The following SPO11 variants were observed in gnomAD, a reference collection of about 807,000 sequenced individuals.
The protein encoded by SPO11 is meiotic recombination protein SPO11.
In SPO11, 49 loss-of-function variants were observed where a neutral mutation model predicts 51.6. The ratio of observed to expected loss-of-function variants is 0.95; its 90% CI spans 0.75 to 1.20. SPO11 has a LOEUF of 1.20. Among genes scored for constraint, SPO11 ranks in the 50% most tolerant of loss-of-function variants. The pLI, the probability that SPO11 is intolerant of heterozygous loss-of-function variation, is 0.00. For synonymous variants in SPO11, 176 were observed against 158.2 expected (o/e 1.11, Z -0.84); for missense variants, 431 against 473.4 (o/e 0.91, Z 0.83).
chr20:57,333,157 C>CT (rs1280429903), intron 2 of SPO11, 31 bp from the exon 3 acceptor site: 1 of 1,550,704 alleles, frequency 6.4e-7, no homozygotes, highest in East Asian at 2.3e-5. Flanking sequence ...GTCTTTTTCA[C>CT]TTTTTTCCTT....
In SPO11 at chr20:57,335,585, C is replaced by T. The variant is rs527759825; in HGVS notation, c.634+130C>T. On this transcript the variant is annotated intron_variant, in intron 7 of 12. Transcript: ENST00000371263. ...CCTGTAGCAGTCAAGATGAACACAC[C>T]ATGGTCCCTTCTTTAGTACTCTTTT... The T allele has an allele frequency of 1.5e-4, 130 of 869,744 alleles. No individual in the cohort carries two copies. The African/African-American group carries it at 2.0e-3, about 13-fold the overall frequency. The allele number at this position is 869,744 out of a possible 1,614,324, so 53.9% of individuals were successfully genotyped here. A position where few individuals can be genotyped will look rare whatever the true frequency, so the allele number is the denominator to read the frequency against.
At chr20:57,341,340 A>G (rs747739522) in intron 11 of SPO11, among the ~76,000 whole-genome samples, 2 of 152,198 alleles carry the variant, frequency 1.3e-5, no homozygotes, top group Non-Finnish European at 2.9e-5. Context: ...TGGTGGGTCA[A>G]AGAGGATCCC....
Position 57,330,015 on chromosome 20 carries a change from C to G in SPO11, c.131+17C>G. On this transcript the variant is annotated intron_variant, in intron 1 of 12. Transcript: ENST00000371263. ...GGCCTCCAGGTACAGGAGCTGGTGC[C>G]GAGGCGCGACGCAGCCACTCTGTAG... 1 of 1,565,654 alleles carries G rather than the reference C, an allele frequency of 6.4e-7. No individual in the cohort carries two copies. The highest frequency in any genetic ancestry group is 8.6e-7 in the Non-Finnish European group (1 of 1,158,728).
At chr20:57,337,898 T>C (rs1004623170) in intron 8 of SPO11, 23 of 555,612 alleles carry the variant, frequency 4.1e-5, no homozygotes, top group Non-Finnish European at 5.6e-5. Flanking sequence ...ATTATTATTA[T>C]GATTTTGAGG....
At position 57,330,044 on chromosome 20, in the gene SPO11, A is replaced by G. The variant is rs2066426171; in HGVS notation, c.131+46A>G. On this transcript the variant is annotated intron_variant, in intron 1 of 12. Coordinates refer to ENST00000371263, the MANE Select transcript of SPO11 (RefSeq NM_012444.3). ...GCGCGACGCAGCCACTCTGTAGAAAAGTCGGGCGCTCTTCCTGGCCCCGGG... is the reference window on the plus strand; with the variant it reads ...GCGCGACGCAGCCACTCTGTAGAAAGGTCGGGCGCTCTTCCTGGCCCCGGG... The G allele has an allele frequency of 2.6e-6, 4 of 1,518,932 alleles. No homozygotes were observed. In the Admixed American group the frequency reaches 8.1e-5, roughly 31 times the overall value. The allele number at this position is 1,518,932 out of a possible 1,614,324, so 94.1% of individuals were successfully genotyped here.
In SPO11 at chr20:57,342,958, A is replaced by T. The variant is rs2236330; in HGVS notation, c.1071+118A>T. The T allele has an allele frequency of 1.5e-4, 107 of 713,338 alleles. 1 individual carries two copies. The highest frequency in any genetic ancestry group is 2.2e-4 in the African/African-American group (12 of 55,776). 44.2% of individuals were successfully genotyped at this position (713,338 alleles called of 1,614,324 possible). On this transcript the variant is annotated intron_variant, in intron 12 of 12. Coordinates refer to ENST00000371263, the MANE Select transcript of SPO11 (RefSeq NM_012444.3). ...TGAAATTTTATATGACACGACTAACATAAGTGTTGTTTGGCAGTAAATAGT... is the reference window on the plus strand; with the variant it reads ...TGAAATTTTATATGACACGACTAACTTAAGTGTTGTTTGGCAGTAAATAGT...
rs775256954 is a variant in SPO11 at position 57,335,274 on chromosome 20, A to T, written c.598-145A>T. On this transcript the variant is annotated intron_variant, in intron 6 of 12. Transcript: ENST00000371263. Reference sequence around the variant, plus strand: ...TGCCGGTTTTCTTACTGAGGGGTAAAGCTGTTTTCTACTATTTTTTAACAG... The same window carrying T: ...TGCCGGTTTTCTTACTGAGGGGTAATGCTGTTTTCTACTATTTTTTAACAG... The T allele has an allele frequency of 2.2e-4, 145 of 661,036 alleles. No homozygotes were observed. In the Middle Eastern group the frequency reaches 3.3e-3, roughly 15 times the overall value. The allele number at this position is 661,036 out of a possible 1,614,324, so 40.9% of individuals were successfully genotyped here.
At chr20:57,335,564 T>C (rs1016271074) in intron 7 of SPO11, 109 bp downstream of exon 7, 5 of 1,122,960 alleles carry the variant, frequency 4.5e-6, no homozygotes, top group Non-Finnish European at 6.4e-6. Flanking sequence ...TTAGGCCCTG[T>C]AGCAGTCAAG....
Position 57,343,550 on chromosome 20 carries a change from T to A in SPO11, c.*90T>A. ...ACTATTGTGGAAAGAACATATATTATATTCTTAATTCTGTAAAAGTGAAAT... is the reference window on the plus strand; with the variant it reads ...ACTATTGTGGAAAGAACATATATTAAATTCTTAATTCTGTAAAAGTGAAAT... On this transcript the variant is annotated 3_prime_UTR_variant, in exon 13 of 13. Coordinates refer to ENST00000371263, the MANE Select transcript of SPO11 (RefSeq NM_012444.3). 1.6e-6 allele frequency: 2 copies of A among 1,290,020 alleles called. No homozygotes were observed. The highest frequency in any genetic ancestry group is 2.1e-6 in the Non-Finnish European group (2 of 950,442). The allele number at this position is 1,290,020 out of a possible 1,614,324, so 79.9% of individuals were successfully genotyped here. A position where few individuals can be genotyped will look rare whatever the true frequency, so the allele number is the denominator to read the frequency against.
chr20:57,335,768 G>A (rs1390411895), intron 7 of SPO11, 30 bp from the exon 8 acceptor site: 1 of 1,315,728 alleles, frequency 7.6e-7, no homozygotes, highest in African/African-American at 1.5e-5. Flanking sequence ...AAATACTCTT[G>A]CTTTCAATTT....
intron 8 of SPO11, among the ~76,000 whole-genome samples, 190 bp downstream of exon 8, chr20:57,336,097 T>A (rs1600682210): frequency 3.3e-5 from 5 of 152,300 alleles, no homozygotes; most frequent in Admixed American, 3.3e-4. Context: ...CAAGTTCTTT[T>A]TTTTTTAATA....
chr20:57,333,613 A>G, intron 3 of SPO11, 74 bp from the exon 4 acceptor site: 1 of 841,944 alleles, frequency 1.2e-6, no homozygotes, highest in Non-Finnish European at 2.0e-6. Flanking sequence ...TTAAGTTAAA[A>G]TCCTTGATAG....
At chr20:57,333,141 G>C in intron 2 of SPO11, 47 bp from the exon 3 acceptor site, 1 of 1,390,606 alleles carries the variant, frequency 7.2e-7, no homozygotes, top group South Asian at 1.3e-5. Flanking sequence ...TTGGTGTTTA[G>C]AAGTTGTCTT....
intron 1 of SPO11, 119 bp from the exon 2 acceptor site, chr20:57,331,714 C>T: frequency 2.0e-6 from 1 of 491,420 alleles, no homozygotes; most frequent in East Asian, 3.2e-5. Context: ...ACCCCAATTA[C>T]CTAGTCTTAA....
intron 4 of SPO11, 60 bp from the exon 5 acceptor site, chr20:57,333,927 T>C: frequency 9.3e-7 from 1 of 1,075,206 alleles, no homozygotes; most frequent in African/African-American, 1.6e-5. Flanking sequence ...AACACTGTAA[T>C]ACTTGTCATA....
At chr20:57,342,667 T>C in intron 11 of SPO11, 62 bp from the exon 12 acceptor site, 1 of 1,014,420 alleles carries the variant, frequency 9.9e-7, no homozygotes, top group Middle Eastern at 2.6e-4. Context: ...ACAGGCAAAA[T>C]ACAGGACATT....
intron 11 of SPO11, among the ~76,000 whole-genome samples, chr20:57,341,750 ATAAAAAC>A (rs2066584693): frequency 6.6e-6 from 1 of 152,230 alleles, no homozygotes; most frequent in Non-Finnish European, 1.5e-5. Context: ...ATCTGTTTGT[ATAAAAAC>A]AATTTTAACA....
intron 1 of SPO11, among the ~76,000 whole-genome samples, 183 bp downstream of exon 1, chr20:57,330,181 CAAAAAA>C (rs2066428671): frequency 6.6e-6 from 1 of 152,132 alleles, no homozygotes; most frequent in African/African-American, 2.4e-5. Flanking sequence ...ATTTTGAACT[CAAAAAA>C]GAAAGCCAGG....
Position 57,335,822 on chromosome 20 carries a change from TATTA to T in SPO11, c.663_666del (p.Ile222Ter), listed in dbSNP as rs1472012703. On this transcript the variant is annotated frameshift_variant, in exon 8 of 13. Coordinates refer to ENST00000371263, the MANE Select transcript of SPO11 (RefSeq NM_012444.3). LOFTEE classifies it high-confidence loss of function. Reference sequence around the variant, plus strand: ...GATTTAGTTACAGATGCAAAGTTTGTATTAATTGTAGAAAAAGATGCAACATTTC... The same window carrying T: ...GATTTAGTTACAGATGCAAAGTTTGTATTGTAGAAAAAGATGCAACATTTC... 1 of 1,611,686 alleles carries T rather than the reference TATTA, an allele frequency of 6.2e-7. No homozygotes were observed. The highest frequency in any genetic ancestry group is 8.5e-7 in the Non-Finnish European group (1 of 1,178,474).
Sources: gnomAD v4.1 joint callset for allele counts (sites outside exome capture counted in the v4.1 genomes callset) on GRCh38, gnomAD v4.1.1 for gene constraint, MANE v1.5 for transcripts, NCBI Gene and HGNC (gene_info 2026-07-23, HGNC 2026-07-21) for gene names.